The following TAF7L variants were observed in gnomAD, a reference collection of about 807,000 sequenced individuals.
TAF7L encodes transcription initiation factor TFIID subunit 7-like.
TAF7L carries 6 observed loss-of-function variants against 30.2 expected under a neutral mutation model. The ratio of observed to expected loss-of-function variants is 0.20; its 90% CI spans 0.11 to 0.39. TAF7L has a LOEUF of 0.39. Among genes scored for constraint, TAF7L ranks in the 10% least tolerant of loss-of-function variants. The pLI is 1.00. For missense variants in TAF7L, 284 were observed against 277.1 expected, an observed-to-expected ratio of 1.03 and a Z score of -0.18; for synonymous variants, 93 against 94.5, an observed-to-expected ratio of 0.98 and a Z score of 0.09.
chrX:101,284,890 A>AT (rs1924529134), intron 3 of TAF7L, among the ~76,000 whole-genome samples: 1 of 110,411 alleles, frequency 9.1e-6, no homozygotes, highest in African/African-American at 3.3e-5. Flanking sequence ...TTATTTACTT[A>AT]TTTATTTACA....
upstream of TAF7L, chrX:101,293,025 C>G: frequency 8.3e-7 from 1 of 1,211,342 alleles, no homozygotes; most frequent in Non-Finnish European, 1.1e-6. Context: ...AAATGGGGAG[C>G]TGTCCCTCGG....
chrX:101,281,840 A>G, intron 5 of TAF7L, 65 bp from the exon 6 acceptor site: 11 of 1,044,960 alleles, frequency 1.1e-5, no homozygotes, highest in Non-Finnish European at 1.5e-5. Context: ...TGAATTTGAT[A>G]AAGACAAAGA....
chrX:101,279,062 T>A, intron 6 of TAF7L, 27 bp from the exon 7 acceptor site: 2 of 1,144,462 alleles, frequency 1.7e-6, no homozygotes, highest in Non-Finnish European at 2.4e-6. Flanking sequence ...AATAAACAAG[T>A]TATATTATGA....
intron 5 of TAF7L, among the ~76,000 whole-genome samples, chrX:101,282,045 C>A (rs1013740310): frequency 1.8e-5 from 2 of 109,933 alleles, no homozygotes; most frequent in African/African-American, 6.6e-5. Context: ...GCCACCACAC[C>A]CAACTAATTT....
intron 9 of TAF7L, among the ~76,000 whole-genome samples, chrX:101,276,975 A>T (rs1411634051): frequency 9.4e-6 from 1 of 105,911 alleles, no homozygotes; most frequent in Non-Finnish European, 1.9e-5. Flanking sequence ...ACTTACAAAA[A>T]AAAAAAAAAG....
chrX:101,289,838 C>T (rs6621027), intron 1 of TAF7L, among the ~76,000 whole-genome samples: 25,449 of 108,888 alleles, frequency 0.23, 2,606 homozygotes, highest in Admixed American at 0.36. Flanking sequence ...ATCCACCCGC[C>T]TTGGCCTCCC....
intron 12 of TAF7L, among the ~76,000 whole-genome samples, chrX:101,273,892 T>A (rs1415156002): frequency 8.9e-6 from 1 of 112,260 alleles, no homozygotes; most frequent in South Asian, 3.7e-4. Flanking sequence ...CAATAGCACC[T>A]CCTAGGAGAG....
Position 101,268,298 on chromosome X carries a change from C to T in TAF7L, c.*895G>A, listed in dbSNP as rs1334693275. ...TATTTATTGCTTAAAGAACATAGAC[C>T]ATAAAACACTAATAATATACCTAGA... On this transcript the variant is annotated 3_prime_UTR_variant, in exon 13 of 13. Coordinates refer to ENST00000356784, the MANE Select transcript of TAF7L (RefSeq NM_001168474.2). 9.0e-6 allele frequency: 1 copy of T among 111,504 alleles called. No individual in the cohort carries two copies. Among genetic ancestry groups the T allele is most frequent in the Non-Finnish European group, 1.9e-5 (1 of 53,134 alleles). The allele number at this position is 111,504 out of a possible 1,213,427, so 9.2% of individuals were successfully genotyped here. A position where few individuals can be genotyped will look rare whatever the true frequency, so the allele number is the denominator to read the frequency against.
upstream of TAF7L, chrX:101,291,377 G>T (rs1309264134): frequency 3.4e-6 from 2 of 587,136 alleles, no homozygotes; most frequent in African/African-American, 2.5e-5. Context: ...GCGCGCGCCG[G>T]CCCCTCCCCG....
At chrX:101,270,330 A>G (rs938248501) in intron 12 of TAF7L, among the ~76,000 whole-genome samples, 1 of 111,442 alleles carries the variant, frequency 9.0e-6, no homozygotes, top group Non-Finnish European at 1.9e-5. Flanking sequence ...TCACCTACCA[A>G]GCCACAATAA....
chrX:101,282,690 G>GT (rs780275650), intron 4 of TAF7L, among the ~76,000 whole-genome samples: 1,337 of 102,255 alleles, frequency 0.013, 8 homozygotes, highest in Non-Finnish European at 0.015. Flanking sequence ...GCTTTGTTTT[G>GT]TTTTTTTTTT....
In TAF7L at chrX:101,273,980, T is replaced by C. The variant is rs191516804; in HGVS notation, c.1086+1242A>G. 7.1e-5 allele frequency among the ~76,000 whole-genome samples: 8 copies of C among 112,177 alleles called. No homozygotes were observed. In the East Asian group the frequency reaches 2.2e-3, roughly 31 times the overall value. On this transcript the variant is annotated intron_variant, in intron 12 of 12. Coordinates refer to ENST00000356784, the MANE Select transcript of TAF7L (RefSeq NM_001168474.2). ...TGACTTTTTTCCTTCATAGCACTTC[T>C]TCACAATTTGTAACTTTATATTTGT...
At chrX:101,276,198 A>G (rs779331415) in intron 10 of TAF7L, 86 bp from the exon 11 acceptor site, 1 of 1,176,166 alleles carries the variant, frequency 8.5e-7, no homozygotes, top group African/African-American at 1.8e-5. Flanking sequence ...TCTACTACAC[A>G]TCGAAGCGAT....
At chrX:101,287,053 C>T (rs1452294349) in intron 2 of TAF7L, among the ~76,000 whole-genome samples, 1 of 111,974 alleles carries the variant, frequency 8.9e-6, no homozygotes, top group Non-Finnish European at 1.9e-5. Flanking sequence ...ATACAGGTAT[C>T]AGTGTGGGGG....
chrX:101,283,574 C>T lies in TAF7L; in HGVS notation c.155G>A (p.Arg52His), dbSNP rs1924486692. The change falls in exon 4 of 13, where the codon CGC (arginine) becomes CAC (histidine). Residue 52 changes from arginine to histidine, a missense_variant. Arg to His is a conservative substitution (Grantham distance 29). Transcript: ENST00000356784. ...ATCTTCTACTTCAACAACTGCATGG[C>T]GCCCATCAGCTGAAGAGAAGTAAAG... is the stretch of plus-strand genomic sequence containing the variant. Reference protein sequence around the residue: ...KLKIDLLPDGRHAVVEVEDVP... With the variant: ...KLKIDLLPDGHHAVVEVEDVP... 5.0e-6 allele frequency: 6 copies of T among 1,208,762 alleles called. No homozygotes were observed. The South Asian group carries it at 5.3e-5, about 11-fold the overall frequency.
At chrX:101,269,677 G>A (rs979765512) in intron 12 of TAF7L, among the ~76,000 whole-genome samples, 26 of 110,831 alleles carry the variant, frequency 2.3e-4, no homozygotes, top group African/African-American at 7.6e-4. Context: ...ATCAGATCTC[G>A]TGAGACTTAT....
intron 1 of TAF7L, among the ~76,000 whole-genome samples, chrX:101,289,265 T>C (rs894759604): frequency 8.9e-6 from 1 of 111,905 alleles, no homozygotes; most frequent in African/African-American, 3.2e-5. Context: ...TTCAGCTGGG[T>C]ACACATACCA....
chrX:101,290,945 G>T (rs1924774139), intron 1 of TAF7L, among the ~76,000 whole-genome samples: 3 of 111,707 alleles, frequency 2.7e-5, no homozygotes. Context: ...GCCTAAATGG[G>T]TGTTTTTTCA....
At chrX:101,291,413 T>C, upstream of TAF7L, 1 of 352,479 alleles carries the variant, frequency 2.8e-6, no homozygotes, top group Non-Finnish European at 3.7e-6. Context: ...GCGGCCGCGC[T>C]GCCCAGCGGA....
Sources: allele counts gnomAD v4.1 joint callset (sites outside exome capture counted in the v4.1 genomes callset), GRCh38; gene constraint gnomAD v4.1.1; transcripts MANE v1.5; gene names NCBI Gene and HGNC (gene_info 2026-07-23, HGNC 2026-07-21).